Variants in ZNF667 observed in about 807,000 individuals in gnomAD.
ZNF667 encodes the protein zinc finger protein 667, also known as myocardial ischemic preconditioning upregulated 1 ortholog.
A neutral mutation model predicts 31.8 loss-of-function variants in ZNF667; 13 were observed. The ratio of observed to expected loss-of-function variants is 0.41; its 90% confidence interval spans 0.27 to 0.65. ZNF667 has a LOEUF of 0.65. ZNF667 is among the 30% of genes least tolerant of loss of function. The pLI is 0.32. For synonymous variants in ZNF667, 228 were observed against 247.1 expected (o/e 0.92, Z 0.73); for missense variants, 642 against 725.6 (o/e 0.88, Z 1.32).
intron 3 of ZNF667, among the ~76,000 whole-genome samples, chr19:56,464,224 A>T (rs2043111035): frequency 6.6e-6 from 1 of 152,262 alleles, no homozygotes; most frequent in African/African-American, 2.4e-5. Flanking sequence ...TGTTATTAAA[A>T]TTAACTTTAA....
At chr19:56,449,389 A>C in intron 6 of ZNF667, 1 of 283,532 alleles carries the variant, frequency 3.5e-6, no homozygotes, top group Non-Finnish European at 7.2e-6. Context: ...CAAAATAGCT[A>C]TCTTGGCCTG....
rs1231797539 is a variant in ZNF667, at chr19:56,442,647, T to C, written c.348A>G (p.Gln116=). Residue 116 remains glutamine (Q), a synonymous_variant, in exon 7 of 7, where the codon CAA becomes CAG. Transcript: ENST00000504904. The part of the protein sequence containing the change: ...SICQKLVSAQ[Q]KAPTRKSGCN... ...AGCCACTCTTTCGTGTAGGAGCTTT[T>C]TGTTGTGCAGAAACTAGTTTCTGGC... The C allele has an allele frequency of 6.2e-7, 1 of 1,613,764 alleles. No homozygotes were observed.
At chr19:56,477,457 C>G (rs1386691608), upstream of ZNF667, 1 of 152,344 alleles carries the variant, frequency 6.6e-6, no homozygotes, top group Non-Finnish European at 1.5e-5. Context: ...TCACCCGCCT[C>G]TCGGGGACAG....
chr19:56,451,190 T>C (rs554354262), intron 6 of ZNF667, among the ~76,000 whole-genome samples: 1 of 151,926 alleles, frequency 6.6e-6, no homozygotes, highest in African/African-American at 2.4e-5. Flanking sequence ...TATATTTAGA[T>C]AAAATAGAGC....
intron 6 of ZNF667, chr19:56,449,331 AC>A: frequency 2.4e-6 from 1 of 409,522 alleles, no homozygotes. Context: ...GGCAACAGTG[AC>A]CAGTTCTGGA....
intron 3 of ZNF667, among the ~76,000 whole-genome samples, chr19:56,469,151 C>T (rs941200626): frequency 3.3e-5 from 5 of 152,160 alleles, no homozygotes; most frequent in Admixed American, 2.6e-4. Flanking sequence ...GGCTGGTGAT[C>T]GCTGAAGCCG....
Position 56,464,721 on chromosome 19 carries a change from C to A in ZNF667, c.-59-2292G>T, listed in dbSNP as rs182122539. 2.0e-5 allele frequency among the ~76,000 whole-genome samples: 3 copies of A among 152,280 alleles called. No individual in the cohort carries two copies. The East Asian group carries it at 5.8e-4, about 29-fold the overall frequency. ...GGTGTTTATGTGGGTAGTACCTCCC[C>A]CCTCCCTAAACACACACAATGATCT... is the stretch of plus-strand genomic sequence containing the variant. On this transcript the variant is annotated intron_variant, in intron 3 of 6. Coordinates refer to ENST00000504904, the MANE Select transcript of ZNF667 (RefSeq NM_001321356.2).
intron 6 of ZNF667, among the ~76,000 whole-genome samples, chr19:56,453,893 C>T (rs541479081): frequency 3.9e-5 from 6 of 152,188 alleles, no homozygotes; most frequent in South Asian, 2.1e-4. Flanking sequence ...GAAAGGAAGA[C>T]GTCAAATTCT....
intron 3 of ZNF667, among the ~76,000 whole-genome samples, chr19:56,469,457 T>A (rs79601423): frequency 1.3e-5 from 2 of 152,114 alleles, no homozygotes; most frequent in Non-Finnish European, 2.9e-5. Flanking sequence ...CACCTCTCAA[T>A]TGGGGACAAT....
intron 6 of ZNF667, among the ~76,000 whole-genome samples, chr19:56,449,991 C>A (rs2042787155): frequency 1.3e-5 from 2 of 149,834 alleles, no homozygotes; most frequent in Admixed American, 6.7e-5. Context: ...GTATATAGAC[C>A]CAAAAGGGCA....
chr19:56,475,512 AT>A (rs948014478), intron 1 of ZNF667: 3 of 150,592 alleles, frequency 2.0e-5, no homozygotes, highest in Admixed American at 6.6e-5. Context: ...GTCTGGAGAC[AT>A]TTTTTTTTCG....
intron 6 of ZNF667, among the ~76,000 whole-genome samples, chr19:56,448,545 C>T (rs1471166741): frequency 2.0e-5 from 3 of 152,054 alleles, no homozygotes; most frequent in Non-Finnish European, 4.4e-5. Flanking sequence ...TCAACTCTCT[C>T]CCAACTCCAG....
Position 56,441,840 on chromosome 19 carries a change from T to C in ZNF667, c.1155A>G (p.Leu385=). The part of the protein sequence containing the change: ...LHLRIHNGEK[L]YRCNKCEKVC... Reference sequence around the variant, plus strand: ...CCTTCTCACATTTATTGCATCTGTATAGTTTTTCTCCATTATGAATTCTTA... The same window carrying C: ...CCTTCTCACATTTATTGCATCTGTACAGTTTTTCTCCATTATGAATTCTTA... Residue 385 remains leucine, a synonymous_variant, in exon 7 of 7, where the codon CTA becomes CTG. Transcript: ENST00000504904. The surrounding 1 kb of genome is among the most constrained non-coding windows in gnomAD (Gnocchi z 4.2). 1 of 1,614,148 alleles carries C rather than the reference T, an allele frequency of 6.2e-7. No individual in the cohort carries two copies. The highest frequency in any genetic ancestry group is 8.5e-7 in the Non-Finnish European group (1 of 1,180,026).
At chr19:56,462,662 A>T (rs1230731265) in intron 3 of ZNF667, among the ~76,000 whole-genome samples, 1 of 152,176 alleles carries the variant, frequency 6.6e-6, no homozygotes, top group Non-Finnish European at 1.5e-5. Flanking sequence ...CATGAGGCAA[A>T]TAAGGACTGC....
chr19:56,443,252 TATG>T (rs2042654868), intron 6 of ZNF667, among the ~76,000 whole-genome samples: 1 of 152,230 alleles, frequency 6.6e-6, no homozygotes, highest in Non-Finnish European at 1.5e-5. Context: ...TAGTGACTTT[TATG>T]ATGTTTACCT....
intron 3 of ZNF667, among the ~76,000 whole-genome samples, chr19:56,470,459 G>A (rs2043268305): frequency 1.3e-5 from 2 of 152,092 alleles, no homozygotes; most frequent in Admixed American, 1.3e-4. Flanking sequence ...ACCACCCAGG[G>A]TCCTCATCTT....
intron 6 of ZNF667, among the ~76,000 whole-genome samples, chr19:56,453,604 C>T (rs553036052): frequency 9.9e-5 from 15 of 152,210 alleles, no homozygotes; most frequent in South Asian, 8.3e-4. Context: ...CTTCAGTTGA[C>T]GCTGAAAAGC....
chr19:56,451,542 C>T (rs2042822351), intron 6 of ZNF667, among the ~76,000 whole-genome samples: 1 of 151,998 alleles, frequency 6.6e-6, no homozygotes, highest in Admixed American at 6.6e-5. Flanking sequence ...AGGTATAGAC[C>T]ATGAAATATT....
At chr19:56,465,278 C>T (rs2043134352) in intron 3 of ZNF667, among the ~76,000 whole-genome samples, 1 of 152,198 alleles carries the variant, frequency 6.6e-6, no homozygotes, top group Non-Finnish European at 1.5e-5. Flanking sequence ...GTTTCGTCCC[C>T]GTAGGGGTGG....
Sources: gnomAD v4.1 joint callset for allele counts (sites outside exome capture counted in the v4.1 genomes callset) on GRCh38, gnomAD v4.1.1 for gene constraint, Gnocchi (gnomAD v3.1) non-coding constraint, MANE v1.5 for transcripts, NCBI Gene and HGNC (gene_info 2026-07-23, HGNC 2026-07-21) for gene names.